The following MECOM variants were observed in gnomAD, a reference collection of about 807,000 sequenced individuals.
The protein encoded by MECOM is histone-lysine N-methyltransferase MECOM.
In MECOM, 13 loss-of-function variants were observed where a neutral mutation model predicts 116.3. That is an observed-to-expected ratio of 0.11 (90% confidence interval 0.07 to 0.18). MECOM has a LOEUF of 0.18. Among genes scored for constraint, MECOM ranks in the 10% least tolerant of loss-of-function variants. The pLI is 1.00. For synonymous variants in MECOM, 528 were observed against 535.2 expected, an observed-to-expected ratio of 0.99 and a Z score of 0.19; for missense variants, 1,299 against 1,509.0, an observed-to-expected ratio of 0.86 and a Z score of 2.31.
intron 1 of MECOM, among the ~76,000 whole-genome samples, chr3:169,485,154 C>T (rs540485416): frequency 6.6e-6 from 1 of 152,174 alleles, no homozygotes; most frequent in East Asian, 1.9e-4. Flanking sequence ...ACCACCACGT[C>T]TGGCTAAGTT....
At chr3:169,284,571 G>GCACACA (rs113527440) in intron 2 of MECOM, among the ~76,000 whole-genome samples, 1 of 146,878 alleles carries the variant, frequency 6.8e-6, no homozygotes, top group African/African-American at 2.5e-5. Context: ...GTATATGAGC[G>GCACACA]CACACACACA....
chr3:169,406,319 C>G (rs1578002559), intron 1 of MECOM, among the ~76,000 whole-genome samples: 1 of 152,176 alleles, frequency 6.6e-6, no homozygotes, highest in African/African-American at 2.4e-5. Flanking sequence ...TTTCATCTCT[C>G]TGGGAATCTA....
Position 169,489,500 on chromosome 3 carries a change from T to C in MECOM, c.38-107976A>G, listed in dbSNP as rs969065562. On this transcript the variant is annotated intron_variant, in intron 1 of 16. Transcript: ENST00000651503. The stretch of plus-strand genomic sequence containing the variant: ...AGATATCAAGATATCCTTAAAAAGA[T>C]GTGACAATTTTAAAAAAGTGTTTGT... 2.0e-5 allele frequency among the ~76,000 whole-genome samples: 3 copies of C among 152,280 alleles called. No homozygotes were observed. In the South Asian group the frequency reaches 6.2e-4, roughly 32 times the overall value.
At chr3:169,532,598 C>T (rs1758784785) in intron 1 of MECOM, among the ~76,000 whole-genome samples, 1 of 152,178 alleles carries the variant, frequency 6.6e-6, no homozygotes, top group Non-Finnish European at 1.5e-5. Context: ...TGGGAACATG[C>T]TGCCTTATAA....
At chr3:169,660,169 C>T (rs967438512) in intron 1 of MECOM, among the ~76,000 whole-genome samples, 4 of 152,302 alleles carry the variant, frequency 2.6e-5, no homozygotes, top group Admixed American at 2.0e-4. Context: ...GGCCCAGGTG[C>T]TGTCCTAGCT....
chr3:169,614,692 T>G (rs1769762012), intron 1 of MECOM: 1 of 151,628 alleles, frequency 6.6e-6, no homozygotes, highest in Admixed American at 6.6e-5. Flanking sequence ...AGCAGTGAGC[T>G]CTGCACAATT....
chr3:169,147,318 G>C (rs1740207859), intron 2 of MECOM: 16 of 985,456 alleles, frequency 1.6e-5, no homozygotes, highest in Non-Finnish European at 1.9e-5. Flanking sequence ...GCGGGTCCTG[G>C]ACCCTCACGG....
At chr3:169,618,685 T>C (rs981559185) in intron 1 of MECOM, among the ~76,000 whole-genome samples, 1 of 151,956 alleles carries the variant, frequency 6.6e-6, no homozygotes, top group Non-Finnish European at 1.5e-5. Context: ...AAAATACAGC[T>C]GATAACACTG....
At chr3:169,196,853 C>A (rs1274315) in intron 2 of MECOM, among the ~76,000 whole-genome samples, 1 of 151,844 alleles carries the variant, frequency 6.6e-6, no homozygotes, top group Non-Finnish European at 1.5e-5. Context: ...CCATAAAGAC[C>A]CATGCACTTG....
At chr3:169,453,800 C>T (rs1445895428) in intron 1 of MECOM, among the ~76,000 whole-genome samples, 1 of 152,082 alleles carries the variant, frequency 6.6e-6, no homozygotes, top group African/African-American at 2.4e-5. Context: ...ATGTTTTATT[C>T]TCCCATTTCA....
At chr3:169,474,221 A>G (rs1749992383) in intron 1 of MECOM, among the ~76,000 whole-genome samples, 1 of 152,236 alleles carries the variant, frequency 6.6e-6, no homozygotes, top group African/African-American at 2.4e-5. Flanking sequence ...CAACTGTCTA[A>G]AGTCAGCCGA....
At chr3:169,235,940 A>G (rs1202206895) in intron 2 of MECOM, among the ~76,000 whole-genome samples, 3 of 148,586 alleles carry the variant, frequency 2.0e-5, no homozygotes, top group Admixed American at 1.3e-4. Flanking sequence ...TTTTTACTTT[A>G]TAATGGTCCA....
intron 2 of MECOM, among the ~76,000 whole-genome samples, chr3:169,200,036 G>A (rs1271826279): frequency 6.6e-6 from 1 of 152,050 alleles, no homozygotes; most frequent in Non-Finnish European, 1.5e-5. Context: ...TTTAGGCAAT[G>A]CAAAGAGTTA....
intron 1 of MECOM, among the ~76,000 whole-genome samples, chr3:169,563,917 A>G (rs941990935): frequency 2.6e-5 from 4 of 152,172 alleles, no homozygotes; most frequent in African/African-American, 9.7e-5. Context: ...TTCCTCTCTC[A>G]GTCTCCTCCC....
At chr3:169,523,574 C>T (rs745695007) in intron 1 of MECOM, among the ~76,000 whole-genome samples, 1 of 152,056 alleles carries the variant, frequency 6.6e-6, no homozygotes, top group Non-Finnish European at 1.5e-5. Context: ...ACTACCACAT[C>T]GGGTTAAGTA....
At chr3:169,211,604 TCA>T (rs1486189749) in intron 2 of MECOM, among the ~76,000 whole-genome samples, 2 of 152,170 alleles carry the variant, frequency 1.3e-5, no homozygotes, top group African/African-American at 4.8e-5. Context: ...GCTTCCTATT[TCA>T]CAGACAGTTT....
At chr3:169,562,499 G>T (rs548399706) in intron 1 of MECOM, among the ~76,000 whole-genome samples, 3 of 152,228 alleles carry the variant, frequency 2.0e-5, no homozygotes, top group South Asian at 4.2e-4. Context: ...TGGTGGAGGG[G>T]CTCACCCTCA....
At chr3:169,343,091 A>T (rs1724811492) in intron 2 of MECOM, among the ~76,000 whole-genome samples, 1 of 152,198 alleles carries the variant, frequency 6.6e-6, no homozygotes, top group Non-Finnish European at 1.5e-5. Context: ...GGAAACAATC[A>T]GAAGAGGAGA....
intron 4 of MECOM, among the ~76,000 whole-genome samples, chr3:169,130,388 A>C (rs1009600129): frequency 6.6e-6 from 1 of 152,150 alleles, no homozygotes; most frequent in Non-Finnish European, 1.5e-5. Context: ...GCTAATTGGG[A>C]ACTCTAGGTT....
Sources: allele counts gnomAD v4.1 joint callset (sites outside exome capture counted in the v4.1 genomes callset), GRCh38; gene constraint gnomAD v4.1.1; transcripts MANE v1.5; gene names NCBI Gene and HGNC (gene_info 2026-07-23, HGNC 2026-07-21).